RALY: variants seen among roughly 807,000 people sequenced by gnomAD.
RALY encodes RALY heterogeneous nuclear ribonucleoprotein, also known as RNA-binding protein Raly.
RALY carries 15 observed loss-of-function variants against 30.7 expected under a neutral mutation model. The observed-to-expected ratio is 0.49, with a 90% CI of 0.33 to 0.75. RALY has a LOEUF of 0.75. Among genes scored for constraint, RALY ranks in the 30% least tolerant of loss-of-function variants. RALY has a pLI of 0.02. For missense variants in RALY, 339 were observed against 414.3 expected, an observed-to-expected ratio of 0.82 and a Z score of 1.58; for synonymous variants, 177 against 170.8, an observed-to-expected ratio of 1.04 and a Z score of -0.28.
rs2034036964 is a variant in RALY at position 34,081,939 on chromosome 20, G to T, written c.*2034G>T. On this transcript the variant is annotated 3_prime_UTR_variant, in exon 10 of 10. Transcript: ENST00000246194. Reference sequence around the variant, plus strand: ...CCCTGGGCAGCAGGGAGAGAGTAGAGATTTGTCAAGAGCCCATGGTGGAGG... The same window carrying T: ...CCCTGGGCAGCAGGGAGAGAGTAGATATTTGTCAAGAGCCCATGGTGGAGG... 1 of 152,398 alleles carries T rather than the reference G, an allele frequency of 6.6e-6. No homozygotes were observed. The highest frequency in any genetic ancestry group is 2.4e-5 in the African/African-American group (1 of 41,472). 9.4% of individuals were successfully genotyped at this position (152,398 alleles called of 1,614,324 possible).
intron 2 of RALY, among the ~76,000 whole-genome samples, chr20:34,058,076 CT>C (rs1281523239): frequency 6.6e-6 from 1 of 151,776 alleles, no homozygotes; most frequent in Non-Finnish European, 1.5e-5. Flanking sequence ...GTAGTGCCTC[CT>C]TTTTGAGGGG....
chr20:34,067,981 C>T (rs1415477336), intron 2 of RALY, among the ~76,000 whole-genome samples: 1 of 152,052 alleles, frequency 6.6e-6, no homozygotes, highest in Admixed American at 6.6e-5. Context: ...GCTGTAGCAT[C>T]CTGGCCAAGT....
At chr20:34,051,322 A>G (rs2033070169) in intron 2 of RALY, among the ~76,000 whole-genome samples, 2 of 152,196 alleles carry the variant, frequency 1.3e-5, no homozygotes, top group Admixed American at 6.5e-5. Flanking sequence ...CAAGATTTGG[A>G]AAATGAGTAC....
intron 2 of RALY, among the ~76,000 whole-genome samples, chr20:34,069,605 C>T (rs1343837486): frequency 6.6e-6 from 1 of 152,274 alleles, no homozygotes; most frequent in East Asian, 1.9e-4. Context: ...CTTGTATACC[C>T]GTGGATAGAC....
intron 1 of RALY, among the ~76,000 whole-genome samples, chr20:34,018,141 C>T (rs1015700773): frequency 1.3e-5 from 2 of 152,222 alleles, no homozygotes; most frequent in East Asian, 1.9e-4. Flanking sequence ...CAGTACCTAA[C>T]GTGTAGCAAA....
At chr20:34,012,483 TC>T (rs2031444677) in intron 1 of RALY, among the ~76,000 whole-genome samples, 1 of 152,200 alleles carries the variant, frequency 6.6e-6, no homozygotes, top group South Asian at 2.1e-4. Context: ...CCGCCTCCTT[TC>T]TTTTTGAGCC....
intron 2 of RALY, among the ~76,000 whole-genome samples, chr20:34,054,049 C>T (rs1490920664): frequency 6.6e-6 from 1 of 152,170 alleles, no homozygotes; most frequent in African/African-American, 2.4e-5. Context: ...ACTCTGCCTT[C>T]TCCTTTATTT....
Position 34,078,586 on chromosome 20 carries a change from G to A in RALY, c.*4+33G>A, listed in dbSNP as rs540586744. On this transcript the variant is annotated intron_variant, in intron 9 of 9. Transcript: ENST00000246194. Reference sequence around the variant, plus strand: ...GGTCCTGTCCTGATGGGCAGAGGGTGGGGAATCAGTGAAGTGGAGGTTGTG... The same window carrying A: ...GGTCCTGTCCTGATGGGCAGAGGGTAGGGAATCAGTGAAGTGGAGGTTGTG... The A allele has an allele frequency of 1.2e-5, 18 of 1,512,894 alleles. No individual in the cohort carries two copies. The South Asian group carries it at 2.2e-4, about 19-fold the overall frequency. The allele number at this position is 1,512,894 out of a possible 1,614,324, so 93.7% of individuals were successfully genotyped here. A position where few individuals can be genotyped will look rare whatever the true frequency, so the allele number is the denominator to read the frequency against.
chr20:34,022,093 T>C (rs1443934537), intron 1 of RALY, among the ~76,000 whole-genome samples: 1 of 147,958 alleles, frequency 6.8e-6, no homozygotes, highest in African/African-American at 2.5e-5. Context: ...TTTCTTTCTT[T>C]CTTTTTTTTT....
intron 2 of RALY, among the ~76,000 whole-genome samples, chr20:34,044,610 A>G (rs894157251): frequency 4.6e-5 from 7 of 152,162 alleles, no homozygotes; most frequent in African/African-American, 1.7e-4. Flanking sequence ...AGCTGGGATT[A>G]CAGGCGTGAG....
At chr20:34,073,139 G>C (rs1233319252) in intron 3 of RALY, among the ~76,000 whole-genome samples, 1 of 152,176 alleles carries the variant, frequency 6.6e-6, no homozygotes, top group Admixed American at 6.5e-5. Context: ...GAGTGTACTT[G>C]AGAATACACG....
At chr20:34,074,436 A>G (rs1470498682) in intron 5 of RALY, among the ~76,000 whole-genome samples, 2 of 152,118 alleles carry the variant, frequency 1.3e-5, no homozygotes, top group East Asian at 3.9e-4. Flanking sequence ...AAATCATGGT[A>G]GATACTAACT....
chr20:34,072,917 A>G (rs2033768571), intron 3 of RALY, among the ~76,000 whole-genome samples: 2 of 140,900 alleles, frequency 1.4e-5, no homozygotes, highest in Non-Finnish European at 3.1e-5. Context: ...CAACCCTTGT[A>G]TGTATAGATG....
intron 1 of RALY, among the ~76,000 whole-genome samples, chr20:33,997,779 A>G (rs551301217): frequency 6.6e-6 from 1 of 152,180 alleles, no homozygotes; most frequent in South Asian, 2.1e-4. Flanking sequence ...TGGGCTCTTC[A>G]TGTTTATGAA....
intron 2 of RALY, among the ~76,000 whole-genome samples, chr20:34,055,932 C>CTAA (rs1218277896): frequency 6.6e-6 from 1 of 152,160 alleles, no homozygotes; most frequent in African/African-American, 2.4e-5. Flanking sequence ...GGAGAGGAGA[C>CTAA]TAATACATGA....
Position 34,078,528 on chromosome 20 carries a change from G to T in RALY, c.900G>T (p.Ala300=). 6.3e-7 allele frequency: 1 copy of T among 1,589,202 alleles called. No homozygotes were observed. Among genetic ancestry groups the T allele is most frequent in the Admixed American group, 1.8e-5 (1 of 56,498 alleles). Residue 300 remains alanine (A), a synonymous_variant, in exon 9 of 10, where the codon GCG becomes GCT. Coordinates refer to ENST00000246194, the MANE Select transcript of RALY (RefSeq NM_016732.3). ...AGGAACACAGCCAGGACACAGACGC[G>T]GATGATGGGGCCTTGCAGTAAGCAG... ...EELEHSQDTD[A]DDGALQ
intron 3 of RALY, among the ~76,000 whole-genome samples, chr20:34,072,569 G>A (rs1473596359): frequency 6.6e-6 from 1 of 152,184 alleles, no homozygotes; most frequent in African/African-American, 2.4e-5. Context: ...CTTAGTGACA[G>A]GCTTTACAGT....
intron 2 of RALY, among the ~76,000 whole-genome samples, chr20:34,060,513 A>C (rs1209763165): frequency 1.3e-5 from 2 of 152,198 alleles, no homozygotes; most frequent in East Asian, 3.9e-4. Context: ...CACTATTCTG[A>C]ATGCTTACAT....
Position 34,077,183 on chromosome 20 carries a change from G to A in RALY, c.814G>A (p.Glu272Lys), listed in dbSNP as rs1320496298. Reference sequence around the variant, plus strand: ...TTCTGAGGCAGGCCTGCCCCAGGGGGAAGCACGGACCCGAGACGACGGCGA... The same window carrying A: ...TTCTGAGGCAGGCCTGCCCCAGGGGAAAGCACGGACCCGAGACGACGGCGA... ...TTSEAGLPQGEARTRDDGDEE... is the reference protein window; with the variant it reads ...TTSEAGLPQGKARTRDDGDEE... The change falls in exon 8 of 10, where the codon GAA becomes AAA. Residue 272 changes from glutamate (E) to lysine (K), a missense_variant. Glu to Lys is a moderately conservative substitution (Grantham distance 56). This residue lies in a region of RALY where 268 missense variants were observed against 280.6 expected (regional missense o/e 0.95). Coordinates refer to ENST00000246194, the MANE Select transcript of RALY (RefSeq NM_016732.3). 7 of 1,613,712 alleles carry A rather than the reference G, an allele frequency of 4.3e-6. No individual in the cohort carries two copies. The highest frequency in any genetic ancestry group is 5.9e-6 in the Non-Finnish European group (7 of 1,180,006).
Sources: allele counts gnomAD v4.1 joint callset (sites outside exome capture counted in the v4.1 genomes callset), GRCh38; gene constraint gnomAD v4.1.1; regional missense constraint gnomAD v4.1.1; transcripts MANE v1.5; gene names NCBI Gene and HGNC (gene_info 2026-07-23, HGNC 2026-07-21).